The following BPTF variants were observed in gnomAD, a reference collection of about 807,000 sequenced individuals.
BPTF encodes nucleosome-remodeling factor subunit BPTF.
Under a neutral mutation model 292.5 loss-of-function variants are expected in BPTF, and 18 were observed. That is an observed-to-expected ratio of 0.06 (90% CI 0.04 to 0.09). BPTF has a LOEUF of 0.09. Ranked by LOEUF, BPTF falls within the 10% of genes least tolerant of loss-of-function variation. The probability of loss-of-function intolerance (pLI) is 1.00; values close to 1 mark genes in which losing one functional copy is unlikely to be tolerated. For synonymous variants in BPTF, 1,225 were observed against 1,251.9 expected (o/e 0.98, Z 0.45); for missense variants, 2,726 against 3,498.7 (o/e 0.78, Z 5.57).
chr17:67,958,549 G>A (rs2067164864), intron 23 of BPTF, among the ~76,000 whole-genome samples: 1 of 152,128 alleles, frequency 6.6e-6, no homozygotes, highest in South Asian at 2.1e-4. Flanking sequence ...CCAACATAAT[G>A]AAACTCTGTC....
At chr17:67,936,595 C>CTCCAGGGTTTTG in intron 18 of BPTF, 1 of 152,106 alleles carries the variant, frequency 6.6e-6, no homozygotes, top group Non-Finnish European at 1.5e-5. Context: ...CACTTTTCTT[C>CTCCAGGGTTTTG]CCTGGAGTCT....
intron 1 of BPTF, among the ~76,000 whole-genome samples, chr17:67,832,963 A>ATT (rs113039026): frequency 3.9e-4 from 49 of 124,844 alleles, no homozygotes; most frequent in African/African-American, 1.3e-3. Flanking sequence ...AATTTTTTGT[A>ATT]TTTTTTTTTT....
At chr17:67,907,143 C>T (rs2062260879) in intron 9 of BPTF, among the ~76,000 whole-genome samples, 1 of 150,490 alleles carries the variant, frequency 6.6e-6, no homozygotes, top group South Asian at 2.1e-4. Flanking sequence ...TGAGATGAAC[C>T]CACTGTGCTC....
intron 26 of BPTF, among the ~76,000 whole-genome samples, chr17:67,973,461 G>T (rs1160031576): frequency 1.3e-5 from 2 of 151,876 alleles, no homozygotes; most frequent in Non-Finnish European, 2.9e-5. Context: ...TAATGAGAGA[G>T]AATTTTTTTT....
rs187108098 is a variant in BPTF, at chr17:67,874,325, G to A, written c.1661-492G>A. On this transcript the variant is annotated intron_variant, in intron 3 of 27. Transcript: ENST00000306378. ...CAGAAAGAAAGTTGTTTCCAAAAGG[G>A]CCTCTGTTTTCTCTTTTTACAGTTG... 4.1e-4 allele frequency among the ~76,000 whole-genome samples: 62 copies of A among 152,226 alleles called. 1 individual carries two copies. In the East Asian group the frequency reaches 0.011, roughly 28 times the overall value.
intron 25 of BPTF, chr17:67,966,308 A>C: frequency 9.0e-6 from 3 of 331,870 alleles, no homozygotes; most frequent in Non-Finnish European, 5.7e-6. Context: ...CTCATCATGT[A>C]GGGCCCAGAA....
intron 7 of BPTF, among the ~76,000 whole-genome samples, chr17:67,897,337 GTC>G (rs2061514343): frequency 1.5e-5 from 1 of 68,680 alleles, no homozygotes. Context: ...GTGAAACTCT[GTC>G]TCAAAAAAAA....
intron 9 of BPTF, among the ~76,000 whole-genome samples, chr17:67,908,638 C>T (rs536802315): frequency 1.3e-4 from 19 of 148,294 alleles, no homozygotes; most frequent in African/African-American, 4.5e-4. Context: ...CACAGTTGCA[C>T]GCCACCATGC....
chr17:67,844,318 G>A (rs1254735133), intron 1 of BPTF, among the ~76,000 whole-genome samples: 2 of 150,232 alleles, frequency 1.3e-5, no homozygotes, highest in African/African-American at 2.5e-5. Context: ...CGCAATCTCC[G>A]CTCACTGCAA....
chr17:67,892,536 A>T (rs9898736), intron 5 of BPTF, among the ~76,000 whole-genome samples: 11,802 of 152,190 alleles, frequency 0.078, 1,558 homozygotes, highest in African/African-American at 0.27. Flanking sequence ...AGGACTCGGT[A>T]TCTCTGTGCT....
At position 67,927,328 on chromosome 17, in the gene BPTF, C is replaced by G. The variant is rs1281673543; in HGVS notation, c.5752-1027C>G. On this transcript the variant is annotated intron_variant, in intron 15 of 27. Transcript: ENST00000306378. ...TGTGGTTATATTGTTACTTATCACA[C>G]CACTGTTGATAAGCTGTTAGAAAAG... is the stretch of plus-strand genomic sequence containing the variant. 4.6e-5 allele frequency among the ~76,000 whole-genome samples: 7 copies of G among 152,154 alleles called. No individual in the cohort carries two copies. The East Asian group carries it at 1.2e-3, about 25-fold the overall frequency.
chr17:67,981,687 C>G (rs2070380937), intron 27 of BPTF: 1 of 991,040 alleles, frequency 1.0e-6, no homozygotes, highest in Admixed American at 6.1e-5. Context: ...ATATAAAGTC[C>G]TTTGACTTAG....
At chr17:67,879,688 T>C (rs2060273072) in intron 4 of BPTF, among the ~76,000 whole-genome samples, 1 of 152,194 alleles carries the variant, frequency 6.6e-6, no homozygotes, top group Non-Finnish European at 1.5e-5. Context: ...GGCCTTATGA[T>C]GCTTCCACTA....
intron 11 of BPTF, among the ~76,000 whole-genome samples, chr17:67,917,617 TTTAATTAATTAA>T (rs376041236): frequency 1.3e-4 from 19 of 151,286 alleles, no homozygotes; most frequent in African/African-American, 3.9e-4. Context: ...TTTGGTTTAA[TTTAATTAATTAA>T]TTAATTAATT....
At chr17:67,877,985 A>T (rs2060150324) in intron 4 of BPTF, among the ~76,000 whole-genome samples, 1 of 152,196 alleles carries the variant, frequency 6.6e-6, no homozygotes, top group Non-Finnish European at 1.5e-5. Context: ...ATATTAAGTG[A>T]ATAACTTGAT....
chr17:67,926,854 C>A (rs981832764), intron 15 of BPTF, among the ~76,000 whole-genome samples: 10 of 151,278 alleles, frequency 6.6e-5, no homozygotes, highest in African/African-American at 2.4e-4. Flanking sequence ...CCTCCGGCCT[C>A]AGCCTCCTGA....
chr17:67,919,897 G>A, intron 12 of BPTF, 118 bp from the exon 13 acceptor site: 1 of 889,410 alleles, frequency 1.1e-6, no homozygotes, highest in South Asian at 1.7e-5. Context: ...TGTTAATTAA[G>A]TCAGGTGTTT....
intron 18 of BPTF, chr17:67,936,693 A>G (rs944707519): frequency 1.3e-5 from 2 of 152,208 alleles, no homozygotes; most frequent in Non-Finnish European, 2.9e-5. Context: ...TACTTAAATG[A>G]AAGTCTGCCT....
chr17:67,866,071 C>T (rs2059375412), intron 2 of BPTF, among the ~76,000 whole-genome samples: 1 of 152,094 alleles, frequency 6.6e-6, no homozygotes, highest in African/African-American at 2.4e-5. Flanking sequence ...CAGTGAACCA[C>T]GATGGTGCCA....
Sources: gnomAD v4.1 joint callset for allele counts (sites outside exome capture counted in the v4.1 genomes callset) on GRCh38, gnomAD v4.1.1 for gene constraint, MANE v1.5 for transcripts, NCBI Gene and HGNC (gene_info 2026-07-23, HGNC 2026-07-21) for gene names.